Variants in NFIA observed in about 807,000 individuals in gnomAD.
The protein encoded by NFIA is nuclear factor 1 A-type.
Under a neutral mutation model 62.8 loss-of-function variants are expected in NFIA, and 8 were observed. The observed-to-expected ratio is 0.13, with a 90% confidence interval of 0.07 to 0.23. The LOEUF is 0.23. Among genes scored for constraint, NFIA ranks in the 10% least tolerant of loss-of-function variants. The pLI, the probability that NFIA is intolerant of heterozygous loss-of-function variation, is 1.00. For missense variants in NFIA, 410 were observed against 642.1 expected, an observed-to-expected ratio of 0.64 and a Z score of 3.91; for synonymous variants, 235 against 238.1, an observed-to-expected ratio of 0.99 and a Z score of 0.12.
At chr1:61,246,495 C>G (rs1435833034) in intron 2 of NFIA, among the ~76,000 whole-genome samples, 1 of 151,982 alleles carries the variant, frequency 6.6e-6, no homozygotes, top group Non-Finnish European at 1.5e-5. Flanking sequence ...GAAACAGAAC[C>G]CCTGCATGAC....
chr1:61,361,311 C>T (rs1341075200), intron 6 of NFIA, among the ~76,000 whole-genome samples: 2 of 152,312 alleles, frequency 1.3e-5, no homozygotes, highest in East Asian at 3.9e-4. Flanking sequence ...GCATCATCAG[C>T]ATGACCTCTA....
At chr1:61,171,839 G>T (rs1570310346) in intron 2 of NFIA, among the ~76,000 whole-genome samples, 1 of 152,116 alleles carries the variant, frequency 6.6e-6, no homozygotes, top group African/African-American at 2.4e-5. Flanking sequence ...AGCAGCATTT[G>T]GTCCTTGAAA....
At chr1:61,433,187 G>A (rs1236865930) in intron 10 of NFIA, among the ~76,000 whole-genome samples, 1 of 152,182 alleles carries the variant, frequency 6.6e-6, no homozygotes, top group Non-Finnish European at 1.5e-5. Flanking sequence ...GTGGGACTGT[G>A]CTGAACTTCG....
intron 2 of NFIA, among the ~76,000 whole-genome samples, chr1:61,134,813 G>C (rs746121842): frequency 4.6e-5 from 7 of 152,138 alleles, no homozygotes; most frequent in Non-Finnish European, 8.8e-5. Context: ...AACATAGGGA[G>C]ACCCTGTCTC....
At chr1:61,333,090 CAT>C (rs1553174135) in intron 4 of NFIA, among the ~76,000 whole-genome samples, 23 of 151,430 alleles carry the variant, frequency 1.5e-4, no homozygotes, top group South Asian at 6.3e-4. Context: ...CACACACACA[CAT>C]ACACAGTTGC....
At chr1:61,417,331 T>C (rs532557049) in intron 9 of NFIA, among the ~76,000 whole-genome samples, 31 of 146,890 alleles carry the variant, frequency 2.1e-4, no homozygotes, top group African/African-American at 7.3e-4. Context: ...GAATATAATA[T>C]CTAGTATGCC....
At chr1:61,101,833 A>G (rs547068487) in intron 2 of NFIA, among the ~76,000 whole-genome samples, 6 of 152,344 alleles carry the variant, frequency 3.9e-5, no homozygotes, top group African/African-American at 1.4e-4. Context: ...AAGGGGTCTT[A>G]TAAGTGTGAG....
chr1:61,384,230 C>T (rs1387256784), intron 7 of NFIA, among the ~76,000 whole-genome samples: 1 of 152,160 alleles, frequency 6.6e-6, no homozygotes, highest in African/African-American at 2.4e-5. Context: ...ATTATGATCT[C>T]TTGTCTGCTT....
rs140516778 is a variant in NFIA at position 61,293,685 on chromosome 1, A to G, written c.625+16100A>G. Reference sequence around the variant, plus strand: ...TTCAATTTAGTAGATGTTGGATGGAAACTAATACAGTTAAAAAGAACTTCA... The same window carrying G: ...TTCAATTTAGTAGATGTTGGATGGAGACTAATACAGTTAAAAAGAACTTCA... On this transcript the variant is annotated intron_variant, in intron 3 of 10. Transcript: ENST00000403491. Among the ~76,000 whole-genome samples the G allele has an allele frequency of 8.6e-3, 1,308 of 152,324 alleles. 5 individuals carry two copies. The highest frequency in any genetic ancestry group is 0.016 in the Admixed American group (248 of 15,286).
intron 2 of NFIA, among the ~76,000 whole-genome samples, chr1:61,117,905 C>T (rs1264769987): frequency 1.3e-5 from 2 of 151,974 alleles, no homozygotes; most frequent in Non-Finnish European, 2.9e-5. Context: ...TCTGGCTGGC[C>T]GGGCGTGGTG....
chr1:61,160,446 T>C (rs1649113949), intron 2 of NFIA, among the ~76,000 whole-genome samples: 1 of 152,218 alleles, frequency 6.6e-6, no homozygotes, highest in African/African-American at 2.4e-5. Context: ...AACTTTGAAA[T>C]GAGATATTTA....
At chr1:61,241,374 T>C (rs1185039452) in intron 2 of NFIA, among the ~76,000 whole-genome samples, 1 of 152,162 alleles carries the variant, frequency 6.6e-6, no homozygotes, top group Non-Finnish European at 1.5e-5. Flanking sequence ...GTTAAGGAAA[T>C]TGGGATATCA....
chr1:61,182,935 C>T (rs1007990985), intron 2 of NFIA, among the ~76,000 whole-genome samples: 9 of 152,220 alleles, frequency 5.9e-5, no homozygotes, highest in African/African-American at 1.9e-4. Context: ...GCCCTGACAG[C>T]TACATGCTTA....
chr1:61,143,305 T>C (rs1000716072), intron 2 of NFIA, among the ~76,000 whole-genome samples: 4 of 152,218 alleles, frequency 2.6e-5, no homozygotes, highest in African/African-American at 9.6e-5. Flanking sequence ...GACAAACGTA[T>C]GTTTGTGATT....
At chr1:61,440,989 A>G (rs192165175) in intron 10 of NFIA, among the ~76,000 whole-genome samples, 1 of 152,330 alleles carries the variant, frequency 6.6e-6, no homozygotes, top group Non-Finnish European at 1.5e-5. Context: ...ATATCATTTT[A>G]ATAAAGTAGC....
At chr1:61,431,377 T>C (rs1003602884) in intron 10 of NFIA, among the ~76,000 whole-genome samples, 28 of 152,224 alleles carry the variant, frequency 1.8e-4, no homozygotes, top group African/African-American at 6.5e-4. Context: ...AGAACTCCAA[T>C]GAGGACTAAT....
chr1:61,097,147 A>G (rs553952453), intron 2 of NFIA, among the ~76,000 whole-genome samples: 5 of 152,276 alleles, frequency 3.3e-5, no homozygotes, highest in African/African-American at 9.6e-5. Flanking sequence ...AAGAAAAGTG[A>G]TTAAATTGGT....
At chr1:61,119,465 T>C (rs1646851285) in intron 2 of NFIA, among the ~76,000 whole-genome samples, 1 of 152,180 alleles carries the variant, frequency 6.6e-6, no homozygotes, top group African/African-American at 2.4e-5. Context: ...TAAGAGAAAC[T>C]GTATGGAAAT....
intron 2 of NFIA, among the ~76,000 whole-genome samples, chr1:61,138,940 A>G (rs1647299063): frequency 6.6e-6 from 1 of 150,858 alleles, no homozygotes; most frequent in South Asian, 2.2e-4. Flanking sequence ...CTGTAACCCC[A>G]GCACTTTGGG....
Sources: gnomAD v4.1 joint callset for allele counts (sites outside exome capture counted in the v4.1 genomes callset) on GRCh38, gnomAD v4.1.1 for gene constraint, MANE v1.5 for transcripts, NCBI Gene and HGNC (gene_info 2026-07-23, HGNC 2026-07-21) for gene names.